The following TNPO1 variants were observed in gnomAD, a reference collection of about 807,000 sequenced individuals.
TNPO1 encodes the protein transportin-1.
TNPO1 carries 8 observed loss-of-function variants against 119.5 expected under a neutral mutation model. The observed-to-expected ratio is 0.07, with a 90% CI of 0.04 to 0.12. The LOEUF is 0.12. TNPO1 is among the 10% of genes least tolerant of loss of function. TNPO1 has a pLI of 1.00. For missense variants in TNPO1, 576 were observed against 1,089.8 expected (o/e 0.53, Z 6.64); for synonymous variants, 362 against 363.0 (o/e 1.00, Z 0.03).
intron 1 of TNPO1, among the ~76,000 whole-genome samples, chr5:72,834,838 T>C (rs1042079892): frequency 1.3e-5 from 2 of 149,700 alleles, no homozygotes; most frequent in African/African-American, 5.0e-5. Flanking sequence ...AAGTCCCTTA[T>C]ATTGATAAAC....
intron 5 of TNPO1, among the ~76,000 whole-genome samples, chr5:72,864,867 C>G (rs542475758): frequency 1.3e-5 from 2 of 152,158 alleles, no homozygotes; most frequent in African/African-American, 4.8e-5. Context: ...CGTCGGCCTC[C>G]CAAAGTGCTG....
intron 3 of TNPO1, among the ~76,000 whole-genome samples, chr5:72,851,870 A>T (rs1303533542): frequency 6.6e-6 from 1 of 152,228 alleles, no homozygotes; most frequent in South Asian, 2.1e-4. Context: ...TGCAAAGTCT[A>T]CTTTAATGTT....
At position 72,891,907 on chromosome 5, in the gene TNPO1, C is replaced by G; in HGVS notation, c.1788+11C>G. On this transcript the variant is annotated intron_variant, in intron 15 of 24. Transcript: ENST00000337273. ...TTCCCTTTACTTGAGGTATGCAGGG[C>G]TAGTAATATTTAATCTGTTGCCAAG... 1 of 1,594,238 alleles carries G rather than the reference C, an allele frequency of 6.3e-7. No homozygotes were observed. Among genetic ancestry groups the G allele is most frequent in the South Asian group, 1.1e-5 (1 of 87,986 alleles).
intron 7 of TNPO1, among the ~76,000 whole-genome samples, chr5:72,874,768 C>G (rs538815529): frequency 1.6e-3 from 241 of 152,266 alleles, no homozygotes; most frequent in Non-Finnish European, 2.9e-3. Context: ...TGGAAAAAGA[C>G]AGTGGGACAC....
At position 72,851,286 on chromosome 5, in the gene TNPO1, T is replaced by C; in HGVS notation, c.172T>C (p.Leu58=). Residue 58 remains leucine, a synonymous_variant, in exon 3 of 25, where the codon TTG becomes CTG. Transcript: ENST00000337273. Reference sequence around the variant, plus strand: ...TCAGTATCCAGACTTTAACAACTACTTGATTTTTGTTCTTACAAAATTAAA... The same window carrying C: ...TCAGTATCCAGACTTTAACAACTACCTGATTTTTGTTCTTACAAAATTAAA... ...LNQYPDFNNY[L]IFVLTKLKSE... is the part of the protein sequence containing the mutation. 3.7e-6 allele frequency: 6 copies of C among 1,601,846 alleles called. No homozygotes were observed. Among genetic ancestry groups the C allele is most frequent in the Non-Finnish European group, 4.3e-6 (5 of 1,171,042 alleles).
intron 9 of TNPO1, 124 bp downstream of exon 9, chr5:72,877,470 T>A: frequency 1.9e-6 from 1 of 518,844 alleles, no homozygotes; most frequent in Non-Finnish European, 3.4e-6. Context: ...AAGCCAGACT[T>A]AATTTTATTG....
intron 6 of TNPO1, among the ~76,000 whole-genome samples, chr5:72,870,198 T>TCTCCC (rs1747284972): frequency 6.7e-6 from 1 of 150,058 alleles, no homozygotes; most frequent in Admixed American, 6.7e-5. Flanking sequence ...TTCACTCTTG[T>TCTCCC]CTCCCACACT....
At chr5:72,885,728 TTTTGG>T (rs1189111871) in intron 11 of TNPO1, among the ~76,000 whole-genome samples, 1 of 146,612 alleles carries the variant, frequency 6.8e-6, no homozygotes, top group African/African-American at 2.5e-5. Flanking sequence ...AATGGTTTTG[TTTTGG>T]TTTGGTTTGG....
intron 4 of TNPO1, 37 bp downstream of exon 4, chr5:72,855,960 G>C: frequency 2.5e-6 from 4 of 1,601,828 alleles, no homozygotes; most frequent in Non-Finnish European, 3.4e-6. Flanking sequence ...TACTTTGTTT[G>C]TAACTGGGTC....
intron 3 of TNPO1, among the ~76,000 whole-genome samples, chr5:72,852,475 A>G (rs1745657820): frequency 6.6e-6 from 1 of 152,220 alleles, no homozygotes; most frequent in South Asian, 2.1e-4. Flanking sequence ...CATTGTGGAC[A>G]CATAGAAGTC....
intron 6 of TNPO1, among the ~76,000 whole-genome samples, chr5:72,869,752 C>T (rs1028346881): frequency 1.3e-5 from 2 of 152,084 alleles, no homozygotes; most frequent in Admixed American, 1.3e-4. Context: ...AGGAAGAGAT[C>T]ATATTGGAGA....
In TNPO1 at chr5:72,897,036, C is replaced by CT; in HGVS notation, c.2243-15dup. 4 of 1,506,598 alleles carry CT rather than the reference C, an allele frequency of 2.7e-6. No homozygotes were observed. The highest frequency in any genetic ancestry group is 2.7e-6 in the Non-Finnish European group (3 of 1,127,798). 93.3% of individuals were successfully genotyped at this position (1,506,598 alleles called of 1,614,324 possible). ...TCAATTTTTTCTTTTTTGTTTTTTT[C>CT]TTTTTGGGATGATCTCTAGGTATAG... On this transcript the variant is annotated intron_variant, in intron 19 of 24. Transcript: ENST00000337273.
intron 4 of TNPO1, among the ~76,000 whole-genome samples, chr5:72,856,225 T>C (rs1035503597): frequency 6.6e-6 from 1 of 152,026 alleles, no homozygotes; most frequent in African/African-American, 2.4e-5. Context: ...GCATGCAGAT[T>C]AGAGTTCTGT....
At chr5:72,884,558 A>G (rs1225728454) in intron 11 of TNPO1, among the ~76,000 whole-genome samples, 2 of 152,150 alleles carry the variant, frequency 1.3e-5, no homozygotes, top group Non-Finnish European at 2.9e-5. Context: ...TTCTTAAAAT[A>G]TGTTAATTTC....
Position 72,913,383 on chromosome 5 carries a change from G to T in TNPO1, c.*4710G>T, listed in dbSNP as rs901360863. On this transcript the variant is annotated 3_prime_UTR_variant, in exon 25 of 25. Coordinates refer to ENST00000337273, the MANE Select transcript of TNPO1 (RefSeq NM_002270.4). ...GTTATTATACATATTAATTTTTAAG[G>T]TATACATTTAAATTACACAATTGTT... is the stretch of plus-strand genomic sequence containing the variant. 3 of 152,118 alleles carry T rather than the reference G, an allele frequency of 2.0e-5. No individual in the cohort carries two copies. The highest frequency in any genetic ancestry group is 7.3e-5 in the African/African-American group (3 of 41,370). 9.4% of individuals were successfully genotyped at this position (152,118 alleles called of 1,614,324 possible).
At chr5:72,874,690 C>A (rs1040070271) in intron 7 of TNPO1, among the ~76,000 whole-genome samples, 2 of 152,126 alleles carry the variant, frequency 1.3e-5, no homozygotes, top group South Asian at 4.1e-4. Context: ...CCCATTTGAT[C>A]GTTGAATTTC....
chr5:72,862,025 A>G, intron 5 of TNPO1, 111 bp downstream of exon 5: 1 of 683,550 alleles, frequency 1.5e-6, no homozygotes, highest in East Asian at 2.8e-5. Context: ...GCTTCTCAAA[A>G]CTTAGAAACC....
intron 1 of TNPO1, among the ~76,000 whole-genome samples, chr5:72,827,865 A>T (rs923990172): frequency 1.3e-5 from 2 of 150,736 alleles, no homozygotes; most frequent in Non-Finnish European, 2.9e-5. Flanking sequence ...GGTTGCAGTG[A>T]TCTGTGGTCA....
chr5:72,821,965 A>G (rs903612480), intron 1 of TNPO1, among the ~76,000 whole-genome samples: 1 of 152,180 alleles, frequency 6.6e-6, no homozygotes, highest in Non-Finnish European at 1.5e-5. Context: ...TACCATCTCT[A>G]CCACTGTAGT....
Sources: gnomAD v4.1 joint callset for allele counts (sites outside exome capture counted in the v4.1 genomes callset) on GRCh38, gnomAD v4.1.1 for gene constraint, MANE v1.5 for transcripts, NCBI Gene and HGNC (gene_info 2026-07-23, HGNC 2026-07-21) for gene names.